Variants in GPC5 observed in about 807,000 individuals in gnomAD.
The protein encoded by GPC5 is glypican-5.
In GPC5, 47 loss-of-function variants were observed where a neutral mutation model predicts 53.9. The observed-to-expected ratio is 0.87, with a 90% confidence interval of 0.69 to 1.11. The LOEUF is 1.11. Among genes scored for constraint, GPC5 ranks in the 50% most tolerant of loss-of-function variants. GPC5 has a pLI of 0.00. For missense variants in GPC5, 748 were observed against 713.1 expected, an observed-to-expected ratio of 1.05 and a Z score of -0.56; for synonymous variants, 286 against 263.3, an observed-to-expected ratio of 1.09 and a Z score of -0.84.
intron 6 of GPC5, among the ~76,000 whole-genome samples, chr13:92,030,768 G>A (rs550166732): frequency 6.6e-6 from 1 of 152,296 alleles, no homozygotes; most frequent in South Asian, 2.1e-4. Context: ...GGAAGTTTGC[G>A]CCATTTGCAG....
At chr13:92,169,357 C>T (rs1362544790) in intron 7 of GPC5, among the ~76,000 whole-genome samples, 1 of 152,186 alleles carries the variant, frequency 6.6e-6, no homozygotes, top group Non-Finnish European at 1.5e-5. Flanking sequence ...TGCAATCTAA[C>T]CTTTAAAACC....
intron 5 of GPC5, among the ~76,000 whole-genome samples, chr13:91,868,188 C>T (rs1479353042): frequency 6.6e-6 from 1 of 152,162 alleles, no homozygotes; most frequent in Non-Finnish European, 1.5e-5. Flanking sequence ...CTGTGTCATT[C>T]ACTGGGGCAA....
At chr13:92,093,341 C>T (rs1467443717) in intron 6 of GPC5, among the ~76,000 whole-genome samples, 2 of 152,002 alleles carry the variant, frequency 1.3e-5, no homozygotes, top group African/African-American at 4.8e-5. Context: ...GTATATTTTT[C>T]TTTCCAAGAC....
chr13:92,516,292 T>C (rs1045115861), intron 7 of GPC5, among the ~76,000 whole-genome samples: 2 of 152,196 alleles, frequency 1.3e-5, no homozygotes, highest in African/African-American at 4.8e-5. Context: ...ATTAGTAATT[T>C]GGAAATTAAC....
chr13:91,449,941 A>G (rs1184850598), intron 2 of GPC5, among the ~76,000 whole-genome samples: 1 of 152,186 alleles, frequency 6.6e-6, no homozygotes, highest in East Asian at 1.9e-4. Flanking sequence ...AATGCAGAAT[A>G]TAACTTCTGT....
intron 6 of GPC5, among the ~76,000 whole-genome samples, chr13:92,117,151 T>A (rs570824374): frequency 1.4e-4 from 21 of 152,310 alleles, no homozygotes; most frequent in Admixed American, 7.8e-4. Context: ...AAGTTTATAG[T>A]TATCATTGAA....
At chr13:92,729,857 T>C (rs1181031864) in intron 7 of GPC5, among the ~76,000 whole-genome samples, 5 of 151,304 alleles carry the variant, frequency 3.3e-5, no homozygotes, top group Non-Finnish European at 7.4e-5. Flanking sequence ...TGACTTCAAA[T>C]TGAATTATTG....
At position 91,740,118 on chromosome 13, in the gene GPC5, C is replaced by T. The variant is rs9583961; in HGVS notation, c.1154+11453C>T. Among the ~76,000 whole-genome samples the T allele has an allele frequency of 2.9e-3, 434 of 152,202 alleles. 21 individuals carry two copies. Among genetic ancestry groups the T allele is most frequent in the African/African-American group, 9.9e-3 (412 of 41,518 alleles). ...CACACCTGCCCTTGCTTCCCTTTCT[C>T]GCTTTTACCTAAAAGCACTCCCTGA... On this transcript the variant is annotated intron_variant, in intron 4 of 7. Coordinates refer to ENST00000377067, the MANE Select transcript of GPC5 (RefSeq NM_004466.6).
intron 6 of GPC5, among the ~76,000 whole-genome samples, chr13:92,017,568 T>C (rs1268752600): frequency 1.3e-5 from 2 of 151,988 alleles, no homozygotes; most frequent in Non-Finnish European, 2.9e-5. Flanking sequence ...AACTCACATT[T>C]TTAAAGTTCC....
intron 7 of GPC5, among the ~76,000 whole-genome samples, chr13:92,789,660 TAAC>T (rs997898653): frequency 1.3e-5 from 2 of 151,806 alleles, no homozygotes; most frequent in Admixed American, 6.6e-5. Context: ...GTGGAACAAA[TAAC>T]AAAACCTCAT....
intron 4 of GPC5, among the ~76,000 whole-genome samples, chr13:91,738,865 G>A (rs1275973520): frequency 6.6e-6 from 1 of 151,022 alleles, no homozygotes; most frequent in Non-Finnish European, 1.5e-5. Context: ...ACAATCCCCA[G>A]GACAACTACT....
intron 7 of GPC5, among the ~76,000 whole-genome samples, chr13:92,704,875 T>C (rs1338487754): frequency 6.6e-6 from 1 of 150,624 alleles, no homozygotes; most frequent in African/African-American, 2.4e-5. Context: ...TATATATATA[T>C]ACTCAATGTG....
At chr13:91,898,193 C>T (rs2039463183) in intron 5 of GPC5, among the ~76,000 whole-genome samples, 1 of 152,174 alleles carries the variant, frequency 6.6e-6, no homozygotes, top group Non-Finnish European at 1.5e-5. Flanking sequence ...TTTGTACTTA[C>T]ATCTTTAAAA....
intron 7 of GPC5, among the ~76,000 whole-genome samples, chr13:92,440,720 A>G (rs1481122800): frequency 6.6e-6 from 1 of 152,184 alleles, no homozygotes; most frequent in Non-Finnish European, 1.5e-5. Flanking sequence ...CTCAGTATAT[A>G]TAACTATACC....
At chr13:92,063,634 G>C (rs968635399) in intron 6 of GPC5, among the ~76,000 whole-genome samples, 4 of 152,024 alleles carry the variant, frequency 2.6e-5, no homozygotes, top group African/African-American at 9.6e-5. Flanking sequence ...AAATAAATAA[G>C]AACTTAAAGC....
At chr13:92,780,054 T>G (rs527562295) in intron 7 of GPC5, among the ~76,000 whole-genome samples, 1 of 152,214 alleles carries the variant, frequency 6.6e-6, no homozygotes, top group South Asian at 2.1e-4. Flanking sequence ...ACAGGTAGAT[T>G]AATTAACATA....
chr13:92,472,688 T>G (rs1442185568), intron 7 of GPC5, among the ~76,000 whole-genome samples: 1 of 152,130 alleles, frequency 6.6e-6, no homozygotes, highest in African/African-American at 2.4e-5. Context: ...GACAAAAATG[T>G]GGAATGCACT....
Position 92,015,177 on chromosome 13 carries a change from G to A in GPC5, c.1401+107120G>A, listed in dbSNP as rs867427612. On this transcript the variant is annotated intron_variant, in intron 6 of 7. Transcript: ENST00000377067. ...GTTGGTATTGATATCCAGCAGTAGAGGCCAAGGATATGTTAAATATCTTAC... is the reference window on the plus strand; with the variant it reads ...GTTGGTATTGATATCCAGCAGTAGAAGCCAAGGATATGTTAAATATCTTAC... 5.3e-5 allele frequency among the ~76,000 whole-genome samples: 8 copies of A among 152,120 alleles called. No homozygotes were observed. In the South Asian group the frequency reaches 8.3e-4, roughly 16 times the overall value.
intron 7 of GPC5, among the ~76,000 whole-genome samples, chr13:92,684,153 A>G (rs942730357): frequency 3.9e-5 from 6 of 152,198 alleles, no homozygotes; most frequent in East Asian, 3.8e-4. Flanking sequence ...TCAAAATGTC[A>G]TATACTTGAA....
Sources: allele counts gnomAD v4.1 joint callset (sites outside exome capture counted in the v4.1 genomes callset), GRCh38; gene constraint gnomAD v4.1.1; transcripts MANE v1.5; gene names NCBI Gene and HGNC (gene_info 2026-07-23, HGNC 2026-07-21).